NEDD9: variants seen among roughly 807,000 people sequenced by gnomAD.
The protein encoded by NEDD9 is enhancer of filamentation 1.
A neutral mutation model predicts 76.6 loss-of-function variants in NEDD9; 26 were observed. That is an observed-to-expected ratio of 0.34 (90% CI 0.25 to 0.47). The LOEUF (loss-of-function observed/expected upper bound fraction) is 0.47. Among genes scored for constraint, NEDD9 ranks in the 20% least tolerant of loss-of-function variants. NEDD9 has a pLI of 1.00. For missense variants in NEDD9, 937 were observed against 1,058.5 expected, an observed-to-expected ratio of 0.89 and a Z score of 1.59; for synonymous variants, 392 against 414.2, an observed-to-expected ratio of 0.95 and a Z score of 0.65.
intron 2 of NEDD9, among the ~76,000 whole-genome samples, chr6:11,309,211 G>A (rs1761290449): frequency 6.6e-6 from 1 of 152,204 alleles, no homozygotes; most frequent in African/African-American, 2.4e-5. Flanking sequence ...TTTGAGCAAT[G>A]CATCTGTGTT....
intron 2 of NEDD9, among the ~76,000 whole-genome samples, chr6:11,323,712 A>G (rs754950437): frequency 3.9e-5 from 6 of 152,214 alleles, no homozygotes; most frequent in African/African-American, 1.4e-4. Context: ...GGGTGATAGA[A>G]GGAGGCCCCT....
At chr6:11,376,609 C>A (rs1156291591) in intron 1 of NEDD9, among the ~76,000 whole-genome samples, 1 of 152,166 alleles carries the variant, frequency 6.6e-6, no homozygotes, top group African/African-American at 2.4e-5. Context: ...CTACTTCCAG[C>A]AACCTAAATC....
intron 1 of NEDD9, among the ~76,000 whole-genome samples, chr6:11,223,044 G>T (rs148518262): frequency 6.6e-6 from 1 of 152,320 alleles, no homozygotes; most frequent in Admixed American, 6.5e-5. Context: ...GCATGCACAC[G>T]TGTGTTACTG....
At chr6:11,256,955 TC>T (rs1268650209) in intron 3 of NEDD9, among the ~76,000 whole-genome samples, 1 of 152,182 alleles carries the variant, frequency 6.6e-6, no homozygotes, top group Admixed American at 6.5e-5. Context: ...AGGCCAAGCC[TC>T]TCTTAGAGAA....
chr6:11,343,642 C>A (rs968130685), intron 1 of NEDD9, among the ~76,000 whole-genome samples: 4 of 152,084 alleles, frequency 2.6e-5, no homozygotes, highest in Admixed American at 2.6e-4. Context: ...AAGAACAGTG[C>A]CTAGCACAAA....
At chr6:11,259,811 A>C (rs1367157522) in intron 3 of NEDD9, among the ~76,000 whole-genome samples, 2 of 152,188 alleles carry the variant, frequency 1.3e-5, no homozygotes, top group Non-Finnish European at 2.9e-5. Context: ...ATTAATTAGC[A>C]ATTTTAACGT....
At chr6:11,319,719 C>T (rs1372753422) in intron 2 of NEDD9, among the ~76,000 whole-genome samples, 2 of 138,874 alleles carry the variant, frequency 1.4e-5, no homozygotes, top group Non-Finnish European at 3.1e-5. Flanking sequence ...CACAAACATG[C>T]ACACTCACAC....
chr6:11,380,739 A>T (rs1251145603), intron 1 of NEDD9, among the ~76,000 whole-genome samples: 5 of 152,172 alleles, frequency 3.3e-5, no homozygotes, highest in Admixed American at 6.5e-5. Flanking sequence ...GAATTACATC[A>T]TGTGACCCTT....
intron 1 of NEDD9, among the ~76,000 whole-genome samples, chr6:11,369,987 T>C (rs1013961431): frequency 6.6e-6 from 1 of 152,254 alleles, no homozygotes; most frequent in African/African-American, 2.4e-5. Flanking sequence ...GTGGCTCTTC[T>C]GTGCAATTAA....
chr6:11,242,403 T>G (rs1443539452), intron 3 of NEDD9, among the ~76,000 whole-genome samples: 1 of 152,150 alleles, frequency 6.6e-6, no homozygotes, highest in African/African-American at 2.4e-5. Context: ...GTTCTCCTGA[T>G]TCATGCTCTA....
chr6:11,190,281 G>A lies in NEDD9; in HGVS notation c.1588C>T (p.Arg530Trp), dbSNP rs1581942595. 20 of 1,614,218 alleles carry A rather than the reference G, an allele frequency of 1.2e-5. No homozygotes were observed. Among genetic ancestry groups the A allele is most frequent in the South Asian group, 2.2e-5 (2 of 91,082 alleles). Reference sequence around the variant, plus strand: ...ACCGTCTTTGCCACCATCACAAACCGGTCCAGATCGTCACACTTGTTCTGG... The same window carrying A: ...ACCGTCTTTGCCACCATCACAAACCAGTCCAGATCGTCACACTTGTTCTGG... Reference protein sequence around the residue: ...KPQNKCDDLDRFVMVAKTVPD... With the variant: ...KPQNKCDDLDWFVMVAKTVPD... Residue 530 changes from arginine (R) to tryptophan (W), a missense_variant, in exon 5 of 7, where the codon CGG becomes TGG. Physicochemically the swap from Arg to Trp is moderately radical, Grantham distance 101. Transcript: ENST00000379446. This position sits in a 1 kb window ranked among gnomAD's most constrained non-coding sequence, Gnocchi z 5.8.
Position 11,335,873 on chromosome 6 carries a change from C to G in NEDD9, c.-213-1312G>C, listed in dbSNP as rs149454601. Reference sequence around the variant, plus strand: ...TATATTTCAAAGAAGGAAATCTGACCAAGTGGCTCCTCTAAATCTTCCAGG... The same window carrying G: ...TATATTTCAAAGAAGGAAATCTGACGAAGTGGCTCCTCTAAATCTTCCAGG... On this transcript the variant is annotated intron_variant, in intron 1 of 3. Coordinates refer to the NEDD9 transcript ENST00000397378. 2.2e-4 allele frequency among the ~76,000 whole-genome samples: 34 copies of G among 152,304 alleles called. 1 individual carries two copies. The East Asian group carries it at 5.6e-3, about 25-fold the overall frequency.
chr6:11,312,498 T>G (rs1174221767), intron 2 of NEDD9, among the ~76,000 whole-genome samples: 1 of 152,148 alleles, frequency 6.6e-6, no homozygotes, highest in Non-Finnish European at 1.5e-5. Flanking sequence ...GCATTGGCCC[T>G]TGAGACTTGG....
chr6:11,347,625 C>T lies in NEDD9; in HGVS notation c.-213-13064G>A, dbSNP rs535557416. Among the ~76,000 whole-genome samples, 844 of 152,266 alleles carry T rather than the reference C, an allele frequency of 5.5e-3. 7 individuals are homozygous for T. The highest frequency in any genetic ancestry group is 0.019 in the African/African-American group (775 of 41,534). On this transcript the variant is annotated intron_variant, in intron 1 of 3. Transcript: ENST00000397378. ...AATCAAGTAGGCTTTATCCCTGGGA[C>T]TCAAGGCTTGTTCAACATGTGCAAA...
chr6:11,358,112 C>T (rs567421167), intron 1 of NEDD9, among the ~76,000 whole-genome samples: 17 of 151,978 alleles, frequency 1.1e-4, no homozygotes, highest in South Asian at 4.2e-4. Context: ...GCCGGGCGTG[C>T]GTGCTGCATG....
intron 1 of NEDD9, among the ~76,000 whole-genome samples, chr6:11,336,461 T>G (rs1164169809): frequency 6.6e-6 from 1 of 152,230 alleles, no homozygotes; most frequent in Non-Finnish European, 1.5e-5. Flanking sequence ...AGTATTTGTG[T>G]ATGTAAATAC....
At chr6:11,381,934 T>G (rs1288751454) in intron 1 of NEDD9, among the ~76,000 whole-genome samples, 1 of 152,202 alleles carries the variant, frequency 6.6e-6, no homozygotes, top group Non-Finnish European at 1.5e-5. Context: ...GTTTGAATGT[T>G]GCACTAAAAC....
At chr6:11,244,947 TAA>T (rs2113296442) in intron 3 of NEDD9, among the ~76,000 whole-genome samples, 1 of 152,356 alleles carries the variant, frequency 6.6e-6, no homozygotes, top group East Asian at 1.9e-4. Flanking sequence ...TAACCTAGTA[TAA>T]GTTAGATTTC....
intron 1 of NEDD9, among the ~76,000 whole-genome samples, chr6:11,221,550 A>G (rs1759147140): frequency 6.6e-6 from 1 of 152,172 alleles, no homozygotes. Context: ...TTTACAGCCC[A>G]GAGGGTCTCA....
Sources: gnomAD v4.1 joint callset for allele counts (sites outside exome capture counted in the v4.1 genomes callset) on GRCh38, gnomAD v4.1.1 for gene constraint, Gnocchi (gnomAD v3.1) non-coding constraint, MANE v1.5 for transcripts, NCBI Gene and HGNC (gene_info 2026-07-23, HGNC 2026-07-21) for gene names.